Variants in L3MBTL4 observed in about 807,000 individuals in gnomAD.
The protein encoded by L3MBTL4 is L3MBTL histone methyl-lysine binding protein 4, also known as lethal(3)malignant brain tumor-like protein 4.
Under a neutral mutation model 84.5 loss-of-function variants are expected in L3MBTL4, and 70 were observed. The ratio of observed to expected loss-of-function variants is 0.83; its 90% confidence interval spans 0.68 to 1.01. The LOEUF (loss-of-function observed/expected upper bound fraction) is 1.01. Among genes scored for constraint, L3MBTL4 ranks in the 50% least tolerant of loss-of-function variants. The probability of loss-of-function intolerance (pLI) is 0.00; values close to 1 mark genes in which losing one functional copy is unlikely to be tolerated. For synonymous variants in L3MBTL4, 274 were observed against 259.8 expected (o/e 1.05, Z -0.52); for missense variants, 715 against 754.8 (o/e 0.95, Z 0.62).
intron 3 of L3MBTL4, among the ~76,000 whole-genome samples, chr18:6,310,557 C>A (rs1297684993): frequency 1.3e-5 from 2 of 152,172 alleles, no homozygotes; most frequent in African/African-American, 4.8e-5. Context: ...AAATGTATTA[C>A]ATGATGTCAC....
At chr18:6,274,909 G>A (rs1366050976) in intron 4 of L3MBTL4, among the ~76,000 whole-genome samples, 1 of 152,200 alleles carries the variant, frequency 6.6e-6, no homozygotes, top group Non-Finnish European at 1.5e-5. Flanking sequence ...TCAATGACAT[G>A]AGAAAGAGGA....
chr18:5,972,576 C>T (rs56313206), intron 16 of L3MBTL4, among the ~76,000 whole-genome samples: 2,606 of 152,304 alleles, frequency 0.017, 30 homozygotes, highest in Non-Finnish European at 0.026. Context: ...TCTAAATTAA[C>T]ACAACGCAAG....
In L3MBTL4 at chr18:6,239,888, C is replaced by T. The variant is rs767288446; in HGVS notation, c.553-16G>A. The T allele has an allele frequency of 1.2e-6, 2 of 1,613,810 alleles. No individual in the cohort carries two copies. Among genetic ancestry groups the T allele is most frequent in the African/African-American group, 2.7e-5 (2 of 75,028 alleles). ...TTGGCCCATTCTAACGCAGCACCAG[C>T]AGGGGAAGAAGCACAAAAAGAAACA... On this transcript the variant is annotated splice_polypyrimidine_tract_variant and intron_variant, in intron 8 of 18. Transcript: ENST00000317931.
chr18:6,404,884 C>T (rs1021642851), intron 1 of L3MBTL4, among the ~76,000 whole-genome samples: 4 of 151,170 alleles, frequency 2.6e-5, no homozygotes, highest in Non-Finnish European at 5.9e-5. Flanking sequence ...GACGAAGTCT[C>T]ACTATGTTGC....
chr18:6,145,351 T>C (rs919290331), intron 13 of L3MBTL4, among the ~76,000 whole-genome samples: 2 of 152,192 alleles, frequency 1.3e-5, no homozygotes, highest in East Asian at 3.9e-4. Context: ...GAATGTACTC[T>C]CTTCTCAGAA....
At chr18:6,285,063 G>A (rs920966368) in intron 4 of L3MBTL4, among the ~76,000 whole-genome samples, 2 of 152,254 alleles carry the variant, frequency 1.3e-5, no homozygotes, top group East Asian at 1.9e-4. Flanking sequence ...GGCGTCGAGA[G>A]GACGGCTTCT....
At chr18:6,057,828 A>C (rs530664151) in intron 16 of L3MBTL4, among the ~76,000 whole-genome samples, 16 of 152,372 alleles carry the variant, frequency 1.1e-4, no homozygotes, top group Admixed American at 6.5e-5. Context: ...CAAGACAAGC[A>C]GTGTACTCAG....
intron 16 of L3MBTL4, among the ~76,000 whole-genome samples, chr18:6,043,505 C>T (rs1021541288): frequency 2.0e-5 from 3 of 152,314 alleles, no homozygotes; most frequent in African/African-American, 4.8e-5. Flanking sequence ...ATATCACTTC[C>T]TCCAGCAATT....
Position 6,185,954 on chromosome 18 carries a change from C to T in L3MBTL4, c.982-14012G>A, listed in dbSNP as rs1415088675. Among the ~76,000 whole-genome samples the T allele has an allele frequency of 2.1e-5, 3 of 139,552 alleles. 1 individual carries two copies. The highest frequency in any genetic ancestry group is 9.4e-5 in the African/African-American group (3 of 32,064). The allele number at this position is 139,552 out of a possible 152,430, so 91.6% of individuals were successfully genotyped here. On this transcript the variant is annotated intron_variant, in intron 12 of 18. Transcript: ENST00000317931. The stretch of plus-strand genomic sequence containing the variant: ...TGGCAGAAGTGAAAACCAAAAAGGG[C>T]ACTTTCTTTATTTTATTTTATTTTA...
At chr18:6,117,684 A>G (rs1379835205) in intron 14 of L3MBTL4, among the ~76,000 whole-genome samples, 2 of 152,234 alleles carry the variant, frequency 1.3e-5, no homozygotes, top group Non-Finnish European at 2.9e-5. Context: ...GTCGTAAAAC[A>G]TTTGTGTGAT....
intron 1 of L3MBTL4, among the ~76,000 whole-genome samples, chr18:6,342,207 A>C (rs1435105392): frequency 6.6e-6 from 1 of 152,172 alleles, no homozygotes; most frequent in Non-Finnish European, 1.5e-5. Context: ...CTCACTGGTA[A>C]AGGTAAGCAC....
At chr18:6,305,085 T>C (rs2050522795) in intron 3 of L3MBTL4, among the ~76,000 whole-genome samples, 1 of 152,330 alleles carries the variant, frequency 6.6e-6, no homozygotes, top group Admixed American at 6.5e-5. Flanking sequence ...ATCAAGGTTA[T>C]AGACAGGTAA....
intron 15 of L3MBTL4, among the ~76,000 whole-genome samples, chr18:6,091,685 G>T (rs1372384054): frequency 1.3e-5 from 2 of 152,176 alleles, no homozygotes; most frequent in Non-Finnish European, 2.9e-5. Flanking sequence ...ATCTGTGTTT[G>T]CTAGAAAGAA....
intron 13 of L3MBTL4, among the ~76,000 whole-genome samples, chr18:6,159,879 T>C (rs2043251558): frequency 6.6e-6 from 1 of 152,274 alleles, no homozygotes; most frequent in African/African-American, 2.4e-5. Context: ...CACTGGGACA[T>C]GTCACATTTT....
chr18:6,080,471 A>G (rs551472360), intron 16 of L3MBTL4, among the ~76,000 whole-genome samples: 20 of 152,286 alleles, frequency 1.3e-4, no homozygotes, highest in African/African-American at 4.6e-4. Flanking sequence ...TTTTTTGCCT[A>G]ATACTCTTCT....
intron 14 of L3MBTL4, among the ~76,000 whole-genome samples, chr18:6,111,772 A>G (rs1047523265): frequency 1.3e-4 from 20 of 152,204 alleles, no homozygotes; most frequent in Non-Finnish European, 1.5e-5. Context: ...GTCTTCAAAT[A>G]TGGATACATT....
At chr18:6,249,420 C>T (rs2047827702) in intron 5 of L3MBTL4, among the ~76,000 whole-genome samples, 1 of 152,184 alleles carries the variant, frequency 6.6e-6, no homozygotes, top group South Asian at 2.1e-4. Context: ...GAGACATTGA[C>T]AATACTTCCC....
At chr18:6,020,146 A>G (rs1452206507) in intron 16 of L3MBTL4, among the ~76,000 whole-genome samples, 1 of 152,132 alleles carries the variant, frequency 6.6e-6, no homozygotes, top group Non-Finnish European at 1.5e-5. Context: ...AAGTATAGGG[A>G]TTATAGGATT....
chr18:5,985,832 G>C (rs1295095497), intron 16 of L3MBTL4, among the ~76,000 whole-genome samples: 3 of 152,176 alleles, frequency 2.0e-5, no homozygotes, highest in African/African-American at 7.2e-5. Context: ...ATCACACACA[G>C]TAGAAGTGAG....
Sources: allele counts gnomAD v4.1 joint callset (sites outside exome capture counted in the v4.1 genomes callset), GRCh38; gene constraint gnomAD v4.1.1; transcripts MANE v1.5; gene names NCBI Gene and HGNC (gene_info 2026-07-23, HGNC 2026-07-21).